Variants in MBOAT1 observed in about 807,000 individuals in gnomAD.
MBOAT1 encodes the protein membrane-bound glycerophospholipid O-acyltransferase 1.
A neutral mutation model predicts 64.4 loss-of-function variants in MBOAT1; 67 were observed. That is an observed-to-expected ratio of 1.04 (90% CI 0.85 to 1.27). The LOEUF is 1.27. MBOAT1 is among the 50% of genes most tolerant of loss of function. MBOAT1 has a pLI of 0.00. For synonymous variants in MBOAT1, 229 were observed against 218.9 expected (o/e 1.05, Z -0.41); for missense variants, 563 against 604.6 (o/e 0.93, Z 0.72).
chr6:20,171,487 A>C (rs968714458), intron 1 of MBOAT1, among the ~76,000 whole-genome samples: 2 of 151,810 alleles, frequency 1.3e-5, no homozygotes, highest in Non-Finnish European at 2.9e-5. Flanking sequence ...CGGGAGGTCT[A>C]GGCTGCAGTG....
At chr6:20,116,091 G>C (rs1209310824) in intron 9 of MBOAT1, among the ~76,000 whole-genome samples, 1 of 152,158 alleles carries the variant, frequency 6.6e-6, no homozygotes, top group Non-Finnish European at 1.5e-5. Flanking sequence ...CAGCACTTTG[G>C]GAAGCCGAGG....
chr6:20,169,179 A>G (rs1561773803), intron 1 of MBOAT1, among the ~76,000 whole-genome samples: 1 of 152,218 alleles, frequency 6.6e-6, no homozygotes. Flanking sequence ...TGCCATGAGT[A>G]AGATCTCTGG....
At chr6:20,180,565 T>C (rs567877018) in intron 1 of MBOAT1, among the ~76,000 whole-genome samples, 52 of 152,304 alleles carry the variant, frequency 3.4e-4, no homozygotes, top group African/African-American at 1.2e-3. Flanking sequence ...CCCTACTCTC[T>C]GACCCTCATA....
At chr6:20,163,791 T>G (rs1761932541) in intron 1 of MBOAT1, among the ~76,000 whole-genome samples, 1 of 151,410 alleles carries the variant, frequency 6.6e-6, no homozygotes, top group African/African-American at 2.4e-5. Context: ...GCCCTGGAGG[T>G]GAGGTGGGAG....
intron 1 of MBOAT1, among the ~76,000 whole-genome samples, chr6:20,158,168 A>AG (rs905936708): frequency 7.3e-4 from 4 of 5,512 alleles, no homozygotes; most frequent in African/African-American, 1.3e-3. Context: ...AAAAAAAAAG[A>AG]AAAAAAAAAA....
At chr6:20,168,897 T>C (rs866561537) in intron 1 of MBOAT1, among the ~76,000 whole-genome samples, 1 of 151,420 alleles carries the variant, frequency 6.6e-6, no homozygotes, top group Admixed American at 6.6e-5. Flanking sequence ...AGTACAAATA[T>C]CATCGGGGTT....
chr6:20,126,670 A>C lies in MBOAT1; in HGVS notation c.561T>G (p.Ser187Arg). ...KVKPSFLEYL[S>R]YLLNFMSVIA... is the part of the protein sequence containing the mutation. ...TGACACTCATGAAATTGAGAAGGTA[A>C]CTTAAGTATTCCAAAAAAGAGGGTT... The change falls in exon 7 of 13, where the codon AGT (serine) becomes AGG (arginine). Residue 187 changes from serine to arginine, a missense_variant. Transcript: ENST00000324607. 6.2e-7 allele frequency: 1 copy of C among 1,612,532 alleles called. No individual in the cohort carries two copies. Among genetic ancestry groups the C allele is most frequent in the East Asian group, 2.2e-5 (1 of 44,874 alleles).
rs561419205 is a variant in MBOAT1 at position 20,169,643 on chromosome 6, C to A, written c.100-16874G>T. 2.6e-5 allele frequency among the ~76,000 whole-genome samples: 4 copies of A among 151,900 alleles called. No homozygotes were observed. In the South Asian group the frequency reaches 8.3e-4, roughly 32 times the overall value. On this transcript the variant is annotated intron_variant, in intron 1 of 12. Coordinates refer to ENST00000324607, the MANE Select transcript of MBOAT1 (RefSeq NM_001080480.3). ...AGAAAAGTAAAGAAAAAGAAAAAAC[C>A]TTATCCCACCCAACAGCAAACTAGA...
At chr6:20,194,133 A>AT (rs397967789) in intron 1 of MBOAT1, among the ~76,000 whole-genome samples, 1 of 152,068 alleles carries the variant, frequency 6.6e-6, no homozygotes, top group African/African-American at 2.4e-5. Context: ...CAAAAAAAAA[A>AT]GCACGCATTT....
At chr6:20,104,518 C>G (rs1759894548) in intron 12 of MBOAT1, among the ~76,000 whole-genome samples, 1 of 152,206 alleles carries the variant, frequency 6.6e-6, no homozygotes, top group African/African-American at 2.4e-5. Context: ...ATGTAGATAT[C>G]CAATAAATAC....
At position 20,144,320 on chromosome 6, in the gene MBOAT1, A is replaced by G; in HGVS notation, c.324-5T>C. ...ATTGCTACAAAAAAGGAATATCTGA[A>G]AGCAAAAACATAGATGATCAGATTA... On this transcript the variant is annotated splice_polypyrimidine_tract_variant and splice_region_variant and intron_variant, in intron 3 of 12. Transcript: ENST00000324607. 6.4e-7 allele frequency: 1 copy of G among 1,563,332 alleles called. No individual in the cohort carries two copies. Among genetic ancestry groups the G allele is most frequent in the East Asian group, 2.2e-5 (1 of 44,634 alleles).
chr6:20,152,011 T>C (rs1456326594), intron 2 of MBOAT1, among the ~76,000 whole-genome samples: 1 of 152,172 alleles, frequency 6.6e-6, no homozygotes, highest in African/African-American at 2.4e-5. Flanking sequence ...GGGAGGGATC[T>C]GTAGAAGTCT....
intron 4 of MBOAT1, among the ~76,000 whole-genome samples, chr6:20,133,495 G>A (rs1760892217): frequency 6.6e-6 from 1 of 152,134 alleles, no homozygotes; most frequent in African/African-American, 2.4e-5. Context: ...CACACTCAAG[G>A]TAGTTTCCAA....
chr6:20,193,365 A>G (rs114817395), intron 1 of MBOAT1, among the ~76,000 whole-genome samples: 162 of 152,244 alleles, frequency 1.1e-3, no homozygotes, highest in African/African-American at 3.7e-3. Flanking sequence ...AGATATGCTT[A>G]GTATGATTCT....
At chr6:20,147,863 T>C (rs893763487) in intron 3 of MBOAT1, among the ~76,000 whole-genome samples, 2 of 152,344 alleles carry the variant, frequency 1.3e-5, no homozygotes, top group African/African-American at 4.8e-5. Context: ...TAATAGTTTA[T>C]GTGTTAACAA....
At chr6:20,208,857 C>T (rs1763337971) in intron 1 of MBOAT1, among the ~76,000 whole-genome samples, 1 of 152,220 alleles carries the variant, frequency 6.6e-6, no homozygotes, top group East Asian at 1.9e-4. Context: ...CCTGGAAACA[C>T]TTTCCATTTC....
rs994132955 is a variant in MBOAT1, at chr6:20,112,996, C to T, written c.1089G>A (p.Gln363=). 1 of 1,613,736 alleles carries T rather than the reference C, an allele frequency of 6.2e-7. No homozygotes were observed. The highest frequency in any genetic ancestry group is 1.3e-5 in the African/African-American group (1 of 74,922). ...TATWLKCVCY[Q]RVPWYPTVLT... Reference sequence around the variant, plus strand: ...GCACCGTGGGGTACCATGGAACCCGCTGATAGCACACACTGTGAAGAGAGG... The same window carrying T: ...GCACCGTGGGGTACCATGGAACCCGTTGATAGCACACACTGTGAAGAGAGG... Residue 363 remains glutamine (Q), a synonymous_variant, in exon 11 of 13, where the codon CAG becomes CAA. Coordinates refer to ENST00000324607, the MANE Select transcript of MBOAT1 (RefSeq NM_001080480.3).
At chr6:20,164,397 A>T (rs905833724) in intron 1 of MBOAT1, among the ~76,000 whole-genome samples, 4 of 152,166 alleles carry the variant, frequency 2.6e-5, no homozygotes, top group Non-Finnish European at 5.9e-5. Context: ...CACTAAATGG[A>T]ACGTGAAAGT....
rs548217874 is a variant in MBOAT1 at position 20,139,507 on chromosome 6, T to G, written c.419+4713A>C. ...GTGGACATGAATCTTGGGAGGACAC[T>G]CTTCAACCCAGTACACAAAAATACA... On this transcript the variant is annotated intron_variant, in intron 4 of 12. Coordinates refer to ENST00000324607, the MANE Select transcript of MBOAT1 (RefSeq NM_001080480.3). Among the ~76,000 whole-genome samples, 3 of 149,816 alleles carry G rather than the reference T, an allele frequency of 2.0e-5. No homozygotes were observed. The East Asian group carries it at 6.0e-4, about 30-fold the overall frequency.
Sources: allele counts gnomAD v4.1 joint callset (sites outside exome capture counted in the v4.1 genomes callset), GRCh38; gene constraint gnomAD v4.1.1; transcripts MANE v1.5; gene names NCBI Gene and HGNC (gene_info 2026-07-23, HGNC 2026-07-21).